Variants in LDLRAP1 observed in about 807,000 individuals in gnomAD.
LDLRAP1 encodes low density lipoprotein receptor adaptor protein 1, also known as low density lipoprotein receptor adapter protein 1.
In LDLRAP1, 30 loss-of-function variants were observed where a neutral mutation model predicts 37.8. The observed-to-expected ratio is 0.79, with a 90% CI of 0.59 to 1.08. The LOEUF (loss-of-function observed/expected upper bound fraction) is 1.08, where lower values mean the gene tolerates loss of function less well. LDLRAP1 is among the 50% of genes least tolerant of loss of function. LDLRAP1 has a pLI of 0.00. For synonymous variants in LDLRAP1, 156 were observed against 169.8 expected, an observed-to-expected ratio of 0.92 and a Z score of 0.63; for missense variants, 375 against 401.6, an observed-to-expected ratio of 0.93 and a Z score of 0.57.
chr1:25,582,070 G>A, the LDLRAP1 span, among the ~76,000 whole-genome samples: 1 of 152,186 alleles, frequency 6.6e-6, no homozygotes, highest in East Asian at 1.9e-4. Flanking sequence ...CTGGGTTCTG[G>A]TCCTGATCTC....
the LDLRAP1 span, among the ~76,000 whole-genome samples, chr1:25,586,655 A>G: frequency 6.6e-6 from 1 of 152,034 alleles, no homozygotes; most frequent in Non-Finnish European, 1.5e-5. This position sits in a 1 kb window ranked among gnomAD's most constrained non-coding sequence, Gnocchi z 4.3. Flanking sequence ...ACAGCACTGC[A>G]GCAGGGGTGG....
chr1:25,563,819 G>T, intron 7 of LDLRAP1, 28 bp downstream of exon 7: 1 of 1,612,888 alleles, frequency 6.2e-7, no homozygotes, highest in South Asian at 1.1e-5. Context: ...CAGCAGATCG[G>T]TGATCCTCAG....
Position 25,568,176 on chromosome 1 carries a change from G to C in LDLRAP1, c.*1184G>C, listed in dbSNP as rs879138686. ...AAACCATCTGGTGCCTTTCCACACA[G>C]AACTGGCAGGAGCCTCGTGTCCTGC... On this transcript the variant is annotated 3_prime_UTR_variant, in exon 9 of 9. Coordinates refer to ENST00000374338, the MANE Select transcript of LDLRAP1 (RefSeq NM_015627.3). The C allele has an allele frequency of 1.3e-5, 2 of 152,578 alleles. No individual in the cohort carries two copies. The highest frequency in any genetic ancestry group is 2.4e-5 in the African/African-American group (1 of 41,426). The allele number at this position is 152,578 out of a possible 1,614,324, so 9.5% of individuals were successfully genotyped here.
At chr1:25,574,705 G>A in the LDLRAP1 span, among the ~76,000 whole-genome samples, 1 of 152,178 alleles carries the variant, frequency 6.6e-6, no homozygotes, top group South Asian at 2.1e-4. Flanking sequence ...TTCTGGGCAT[G>A]CTATATCATT....
In LDLRAP1 at chr1:25,555,061, T is replaced by G. The variant is rs1397697446; in HGVS notation, c.344+89T>G. The G allele has an allele frequency of 1.1e-6, 1 of 932,800 alleles. No individual in the cohort carries two copies. Among genetic ancestry groups the G allele is most frequent in the Non-Finnish European group, 1.7e-6 (1 of 573,938 alleles). The allele number at this position is 932,800 out of a possible 1,614,324, so 57.8% of individuals were successfully genotyped here. ...TCTGAATCCAGGCTCTACCACTTCCTACCTGGGTGACATTGGAGCCTCAGT... is the reference window on the plus strand; with the variant it reads ...TCTGAATCCAGGCTCTACCACTTCCGACCTGGGTGACATTGGAGCCTCAGT... On this transcript the variant is annotated intron_variant, in intron 3 of 8. Transcript: ENST00000374338. This position sits in a 1 kb window ranked among gnomAD's most constrained non-coding sequence, Gnocchi z 4.7.
In LDLRAP1 at chr1:25,563,077, G is replaced by A. The variant is rs773673508; in HGVS notation, c.540G>A (p.Glu180=). Residue 180 remains glutamate (E), a synonymous_variant, in exon 6 of 9, where the codon GAG becomes GAA. Coordinates refer to ENST00000374338, the MANE Select transcript of LDLRAP1 (RefSeq NM_015627.3). ...EFWQVSKEEK[E]KRDKASQEGG... is the part of the protein sequence containing the mutation. ...TGTGCCTTGGTCCTGCAGAGAAAGA[G>A]AAGAGGGACAAAGCCAGCCAAGAGG... 1 of 1,614,072 alleles carries A rather than the reference G, an allele frequency of 6.2e-7. No homozygotes were observed. Among genetic ancestry groups the A allele is most frequent in the Non-Finnish European group, 8.5e-7 (1 of 1,179,980 alleles).
chr1:25,545,579 G>C (rs2043914147), intron 1 of LDLRAP1, among the ~76,000 whole-genome samples: 1 of 152,096 alleles, frequency 6.6e-6, no homozygotes, highest in African/African-American at 2.4e-5. Context: ...TGGTGAGATG[G>C]GTTTTGGGGG....
chr1:25,586,435 C>A, the LDLRAP1 span, among the ~76,000 whole-genome samples: 1 of 152,164 alleles, frequency 6.6e-6, no homozygotes. This position sits in a 1 kb window ranked among gnomAD's most constrained non-coding sequence, Gnocchi z 4.3. Context: ...TCCATCAGGG[C>A]CACAGCATTT....
the LDLRAP1 span, among the ~76,000 whole-genome samples, chr1:25,574,447 A>G: frequency 6.6e-6 from 1 of 152,206 alleles, no homozygotes; most frequent in Non-Finnish European, 1.5e-5. Flanking sequence ...AAGGTTGAAA[A>G]GGCAACCCCA....
At chr1:25,561,156 G>A (rs1441899718) in intron 4 of LDLRAP1, among the ~76,000 whole-genome samples, 1 of 152,260 alleles carries the variant, frequency 6.6e-6, no homozygotes, top group East Asian at 1.9e-4. Flanking sequence ...TGGGTGGATA[G>A]TGATCTGACT....
Position 25,543,620 on chromosome 1 carries a change from G to A in LDLRAP1, c.-79G>A. On this transcript the variant is annotated 5_prime_UTR_variant, in exon 1 of 9. Coordinates refer to ENST00000374338, the MANE Select transcript of LDLRAP1 (RefSeq NM_015627.3). ...CTGGGAGGGGAGGAGCGCGCAGCCC[G>A]CGCGCCGCAGGGCCGGGCGGAAAGT... 2.9e-6 allele frequency: 3 copies of A among 1,036,318 alleles called. No homozygotes were observed. The highest frequency in any genetic ancestry group is 1.7e-5 in the African/African-American group (1 of 59,868). The allele number at this position is 1,036,318 out of a possible 1,614,324, so 64.2% of individuals were successfully genotyped here.
the LDLRAP1 span, among the ~76,000 whole-genome samples, chr1:25,583,235 G>A: frequency 5.4e-5 from 8 of 147,904 alleles, no homozygotes; most frequent in Non-Finnish European, 1.2e-4. Context: ...TGTTGCCCAG[G>A]CTGGAGTGCA....
At chr1:25,553,827 T>G (rs2044133937) in intron 1 of LDLRAP1, 95 bp from the exon 2 acceptor site, 5 of 1,461,568 alleles carry the variant, frequency 3.4e-6, no homozygotes, top group Non-Finnish European at 3.7e-6. Context: ...CCATCCCCCT[T>G]GCTGGGGTTT....
At chr1:25,570,488 C>A (rs1004668923), downstream of LDLRAP1, among the ~76,000 whole-genome samples, 3 of 152,160 alleles carry the variant, frequency 2.0e-5, no homozygotes, top group African/African-American at 7.2e-5. Flanking sequence ...AGATTCACAT[C>A]TGGGGGGCTG....
chr1:25,556,772 A>G (rs780839977), intron 3 of LDLRAP1, among the ~76,000 whole-genome samples: 125 of 152,206 alleles, frequency 8.2e-4, no homozygotes, highest in Non-Finnish European at 1.4e-3. Flanking sequence ...AAACATGGAT[A>G]GTGATAGAAC....
chr1:25,586,489 C>CAT, the LDLRAP1 span, among the ~76,000 whole-genome samples: 18,835 of 151,678 alleles, frequency 0.12, 2,676 homozygotes, highest in African/African-American at 0.32. This position sits in a 1 kb window ranked among gnomAD's most constrained non-coding sequence, Gnocchi z 4.3. Context: ...CGTGCGTGTG[C>CAT]GTGTGTGTGT....
intron 1 of LDLRAP1, among the ~76,000 whole-genome samples, chr1:25,553,182 G>A (rs974532237): frequency 6.6e-6 from 1 of 152,176 alleles, no homozygotes; most frequent in Non-Finnish European, 1.5e-5. Flanking sequence ...GTTGAAGTCC[G>A]ACTCATTGTA....
chr1:25,548,495 C>T (rs577751280), intron 1 of LDLRAP1, among the ~76,000 whole-genome samples: 34 of 151,862 alleles, frequency 2.2e-4, no homozygotes, highest in Admixed American at 4.6e-4. Flanking sequence ...TTACAGGCGC[C>T]TGCCACCACA....
Position 25,565,181 on chromosome 1 carries a change from T to C in LDLRAP1, c.756T>C (p.Asp252=). The C allele has an allele frequency of 1.2e-6, 2 of 1,614,168 alleles. No homozygotes were observed. Among genetic ancestry groups the C allele is most frequent in the Non-Finnish European group, 1.7e-6 (2 of 1,180,006 alleles). Residue 252 remains aspartate, a synonymous_variant, in exon 8 of 9, where the codon GAT becomes GAC. Coordinates refer to ENST00000374338, the MANE Select transcript of LDLRAP1 (RefSeq NM_015627.3). ...LSGSSVVWEL[D]DGLDEAFSRL... is the part of the protein sequence containing the mutation. ...GCTTTGTTTTCCCCAAGGAGCTGGA[T>C]GATGGCCTGGATGAAGCGTTTTCGA...
Sources: gnomAD v4.1 joint callset for allele counts (sites outside exome capture counted in the v4.1 genomes callset) on GRCh38, gnomAD v4.1.1 for gene constraint, Gnocchi (gnomAD v3.1) non-coding constraint, MANE v1.5 for transcripts, NCBI Gene and HGNC (gene_info 2026-07-23, HGNC 2026-07-21) for gene names.